Variants in PITPNM3 observed in about 807,000 individuals in gnomAD.
The protein encoded by PITPNM3 is PITPNM family member 3.
Under a neutral mutation model 102.0 loss-of-function variants are expected in PITPNM3, and 26 were observed. The observed-to-expected ratio is 0.25, with a 90% CI of 0.19 to 0.35. The LOEUF (loss-of-function observed/expected upper bound fraction) is 0.35, where lower values mean the gene tolerates loss of function less well. Among genes scored for constraint, PITPNM3 ranks in the 10% least tolerant of loss-of-function variants. The probability of loss-of-function intolerance (pLI) is 1.00; values close to 1 mark genes in which losing one functional copy is unlikely to be tolerated. For missense variants in PITPNM3, 1,083 were observed against 1,346.1 expected (o/e 0.80, Z 3.06); for synonymous variants, 578 against 558.6 (o/e 1.03, Z -0.49).
At chr17:6,495,630 C>T (rs542246529) in intron 4 of PITPNM3, among the ~76,000 whole-genome samples, 5 of 152,154 alleles carry the variant, frequency 3.3e-5, no homozygotes, top group Non-Finnish European at 7.3e-5. Context: ...CTCGTGCTCA[C>T]CGCTGTGGAC....
Position 6,484,549 on chromosome 17 carries a change from G to C in PITPNM3, c.275-257C>G, listed in dbSNP as rs190165900. On this transcript the variant is annotated intron_variant, in intron 4 of 19. Coordinates refer to ENST00000262483, the MANE Select transcript of PITPNM3 (RefSeq NM_031220.4). ...CGCGGATGGTGCTCCTGAAAGGAGG[G>C]GCTTCCTCGAAAGGAACTAGCCTGC... Among the ~76,000 whole-genome samples, 746 of 152,340 alleles carry C rather than the reference G, an allele frequency of 4.9e-3. 3 individuals are homozygous for C. The highest frequency in any genetic ancestry group is 7.1e-3 in the Admixed American group (109 of 15,304).
chr17:6,546,928 A>G (rs1910049994), intron 1 of PITPNM3, among the ~76,000 whole-genome samples: 1 of 151,120 alleles, frequency 6.6e-6, no homozygotes, highest in Non-Finnish European at 1.5e-5. Context: ...AACTGCTTGA[A>G]CCCGGGAGGT....
At chr17:6,549,060 A>G (rs1181460533) in intron 1 of PITPNM3, among the ~76,000 whole-genome samples, 1 of 151,986 alleles carries the variant, frequency 6.6e-6, no homozygotes, top group Non-Finnish European at 1.5e-5. Flanking sequence ...CAACACCCCC[A>G]GGAACCTTCC....
intron 4 of PITPNM3, among the ~76,000 whole-genome samples, chr17:6,489,336 G>A (rs1319243798): frequency 1.2e-5 from 1 of 85,494 alleles, no homozygotes; most frequent in Non-Finnish European, 2.4e-5. Context: ...CCCACCCCCC[G>A]TTAGTCACCC....
chr17:6,508,742 T>C (rs1597392430), intron 3 of PITPNM3, among the ~76,000 whole-genome samples: 1 of 152,086 alleles, frequency 6.6e-6, no homozygotes, highest in East Asian at 1.9e-4. Context: ...CCAGGGCTGG[T>C]GAGGCCACCG....
intron 1 of PITPNM3, among the ~76,000 whole-genome samples, chr17:6,539,719 A>T (rs1909633539): frequency 6.6e-6 from 1 of 152,262 alleles, no homozygotes; most frequent in Non-Finnish European, 1.5e-5. Flanking sequence ...CTCAATCAAC[A>T]GATACTAAAG....
intron 6 of PITPNM3, among the ~76,000 whole-genome samples, chr17:6,482,013 T>TCTCC (rs1905740716): frequency 9.6e-6 from 1 of 104,146 alleles, no homozygotes; most frequent in African/African-American, 4.3e-5. Context: ...TCTCTCTCTC[T>TCTCC]CTCTCTCTCT....
At chr17:6,477,638 T>C (rs888561875) in intron 8 of PITPNM3, among the ~76,000 whole-genome samples, 3 of 152,166 alleles carry the variant, frequency 2.0e-5, no homozygotes, top group Non-Finnish European at 4.4e-5. Flanking sequence ...CTCCACCTCC[T>C]GGGTTCAAGT....
intron 4 of PITPNM3, among the ~76,000 whole-genome samples, chr17:6,492,110 C>A (rs1597381648): frequency 1.3e-5 from 2 of 149,134 alleles, no homozygotes; most frequent in Non-Finnish European, 3.0e-5. Context: ...TGTCACCAGG[C>A]TGGAGTGCAG....
intron 4 of PITPNM3, among the ~76,000 whole-genome samples, chr17:6,484,781 T>C (rs770598921): frequency 7.2e-5 from 11 of 152,138 alleles, no homozygotes; most frequent in Non-Finnish European, 1.5e-4. Flanking sequence ...GTGAGGTGTT[T>C]TGGGAAGAGG....
In PITPNM3 at chr17:6,457,500, AAATG is replaced by A. The variant is rs111564169; in HGVS notation, c.2619+90_2619+93del. 3,634 of 1,567,646 alleles carry A rather than the reference AAATG, an allele frequency of 2.3e-3. 72 individuals are homozygous for A. In the African/African-American group the frequency reaches 0.039, roughly 17 times the overall value. On this transcript the variant is annotated intron_variant, in intron 19 of 19. Transcript: ENST00000262483. This position sits in a 1 kb window ranked among gnomAD's most constrained non-coding sequence, Gnocchi z 4.7. ...TGAATGAGCAAATGGGGGAATGAAC[AAATG>A]AATGAATGAATGAATGAAGTGCTTA... is the stretch of plus-strand genomic sequence containing the variant.
chr17:6,530,325 G>A (rs1909075639), intron 2 of PITPNM3, among the ~76,000 whole-genome samples: 2 of 152,216 alleles, frequency 1.3e-5, no homozygotes, highest in South Asian at 4.1e-4. Flanking sequence ...TGTGAGACCT[G>A]ACCCTGACTT....
chr17:6,488,310 C>T (rs1019754147), intron 4 of PITPNM3, among the ~76,000 whole-genome samples: 18 of 152,200 alleles, frequency 1.2e-4, no homozygotes, highest in African/African-American at 4.3e-4. Context: ...GCCCTTCCTC[C>T]CTTTGCAGAC....
chr17:6,555,768 C>T (rs952644885), intron 1 of PITPNM3, among the ~76,000 whole-genome samples: 2 of 152,214 alleles, frequency 1.3e-5, no homozygotes, highest in Non-Finnish European at 2.9e-5. Context: ...ACCGTCTGAG[C>T]CTGGGGGAGG....
rs1032251493 is a variant in PITPNM3 at position 6,556,220 on chromosome 17, C to A, written c.22+165G>T. On this transcript the variant is annotated intron_variant, in intron 1 of 19. Coordinates refer to ENST00000262483, the MANE Select transcript of PITPNM3 (RefSeq NM_031220.4). The surrounding 1 kb of genome is among the most constrained non-coding windows in gnomAD (Gnocchi z 5.2). ...CAGGAAGGACGGGGGGCGCGCGGAG[C>A]CCCCTCTCCACGCGCGGGAGGTCCA... Among the ~76,000 whole-genome samples the A allele has an allele frequency of 2.6e-5, 4 of 152,004 alleles. No individual in the cohort carries two copies. Among genetic ancestry groups the A allele is most frequent in the Admixed American group, 2.6e-4 (4 of 15,292 alleles).
intron 6 of PITPNM3, 137 bp downstream of exon 6, chr17:6,483,380 T>C (rs1905860815): frequency 1.2e-6 from 1 of 855,354 alleles, no homozygotes; most frequent in African/African-American, 1.7e-5. Context: ...GGGATGCTTG[T>C]GTTTCGTCAC....
chr17:6,491,429 G>A lies in PITPNM3; in HGVS notation c.275-7137C>T, dbSNP rs571815668. On this transcript the variant is annotated intron_variant, in intron 4 of 19. Coordinates refer to ENST00000262483, the MANE Select transcript of PITPNM3 (RefSeq NM_031220.4). ...TGGAACAGCGTGAAGCTGTTCTGAA[G>A]GTTTTAAAACTTTTTTAAAAACAGG... Among the ~76,000 whole-genome samples, 48 of 152,284 alleles carry A rather than the reference G, an allele frequency of 3.2e-4. 1 individual carries two copies. The South Asian group carries it at 9.1e-3, about 29-fold the overall frequency.
At chr17:6,471,122 C>G (rs1260466610) in intron 12 of PITPNM3, 39 bp downstream of exon 12, 6 of 1,608,252 alleles carry the variant, frequency 3.7e-6, no homozygotes, top group Non-Finnish European at 5.1e-6. Flanking sequence ...GGTTCCCCTC[C>G]CCCGAATCCA....
chr17:6,491,663 C>T (rs1322207181), intron 4 of PITPNM3, among the ~76,000 whole-genome samples: 2 of 152,016 alleles, frequency 1.3e-5, no homozygotes, highest in Non-Finnish European at 2.9e-5. Flanking sequence ...GGCCACCCTC[C>T]TCTGCAGGTT....
Sources: allele counts gnomAD v4.1 joint callset (sites outside exome capture counted in the v4.1 genomes callset), GRCh38; gene constraint gnomAD v4.1.1; non-coding constraint Gnocchi (gnomAD v3.1); transcripts MANE v1.5; gene names NCBI Gene and HGNC (gene_info 2026-07-23, HGNC 2026-07-21).